Variants in VWA1 observed in about 807,000 individuals in gnomAD.
VWA1 encodes the protein von Willebrand factor A domain-containing protein 1.
A neutral mutation model predicts 14.9 loss-of-function variants in VWA1; 12 were observed. That is an observed-to-expected ratio of 0.80 (90% CI 0.52 to 1.30). VWA1 has a LOEUF of 1.30. Ranked by LOEUF, VWA1 falls within the 50% of genes most tolerant of loss-of-function variation. The pLI is 0.00. For synonymous variants in VWA1, 368 were observed against 310.7 expected (o/e 1.18, Z -1.94); for missense variants, 800 against 649.1 (o/e 1.23, Z -2.53).
In VWA1 at chr1:1,439,890, G is replaced by C; in HGVS notation, c.*103G>C. 2.0e-6 allele frequency: 2 copies of C among 1,024,378 alleles called. No homozygotes were observed. The highest frequency in any genetic ancestry group is 9.3e-5 in the South Asian group (2 of 21,612). The allele number at this position is 1,024,378 out of a possible 1,614,324, so 63.5% of individuals were successfully genotyped here. On this transcript the variant is annotated 3_prime_UTR_variant, in exon 3 of 3. Transcript: ENST00000476993. ...CAACCCGGCAGACGGGTGCAGGCCCGGCCTTTCCCCACGCGGACTCCGCGC... is the reference window on the plus strand; with the variant it reads ...CAACCCGGCAGACGGGTGCAGGCCCCGCCTTTCCCCACGCGGACTCCGCGC...
chr1:1,439,832 G>A lies in VWA1; in HGVS notation c.*45G>A. 9.4e-7 allele frequency: 1 copy of A among 1,058,454 alleles called. No individual in the cohort carries two copies. Among genetic ancestry groups the A allele is most frequent in the Non-Finnish European group, 1.1e-6 (1 of 876,120 alleles). 65.6% of individuals were successfully genotyped at this position (1,058,454 alleles called of 1,614,324 possible). A position where few individuals can be genotyped will look rare whatever the true frequency, so the allele number is the denominator to read the frequency against. The stretch of plus-strand genomic sequence containing the variant: ...CGAGAGGGCCGGCGCCTACCTGAGG[G>A]CCCCTGTGTCCCGAACCCGGAGCGG... On this transcript the variant is annotated 3_prime_UTR_variant, in exon 3 of 3. Transcript: ENST00000476993.
Position 1,439,400 on chromosome 1 carries a change from T to C in VWA1, c.951T>C (p.Ala317=), listed in dbSNP as rs2100455507. Residue 317 remains alanine (A), a synonymous_variant, in exon 3 of 3, where the codon GCT becomes GCC. Transcript: ENST00000476993. ...GGGCTTCGGGCCCGGAGTCGGGGGCTGGGCCGGCCCCCACGCAGCTCGCCG... is the reference window on the plus strand; with the variant it reads ...GGGCTTCGGGCCCGGAGTCGGGGGCCGGGCCGGCCCCCACGCAGCTCGCCG... The part of the protein sequence containing the change: ...GPGASGPESG[A]GPAPTQLAAL... 1 of 1,448,772 alleles carries C rather than the reference T, an allele frequency of 6.9e-7. No homozygotes were observed. The highest frequency in any genetic ancestry group is 1.5e-5 in the African/African-American group (1 of 66,900). The allele number at this position is 1,448,772 out of a possible 1,614,324, so 89.7% of individuals were successfully genotyped here. A position where few individuals can be genotyped will look rare whatever the true frequency, so the allele number is the denominator to read the frequency against.
chr1:1,437,106 G>T lies in VWA1; in HGVS notation c.253G>T (p.Glu85Ter). 6.2e-7 allele frequency: 1 copy of T among 1,605,376 alleles called. No homozygotes were observed. The highest frequency in any genetic ancestry group is 8.5e-7 in the Non-Finnish European group (1 of 1,174,640). Residue 85 changes from glutamate to a stop codon, truncating the protein, a stop_gained, in exon 2 of 3, where the codon GAG becomes TAG. Transcript: ENST00000476993. LOFTEE classifies it high-confidence loss of function. ...GCACGTGGGCAGTCGGCCATACACC[G>T]AGTTCCCCTTCGGCCAGCACAGCTC... The part of the protein sequence containing the change: ...LVHVGSRPYT[E>*]FPFGQHSSGE...
chr1:1,435,736 TC>T lies in VWA1; in HGVS notation c.-10del. ...CGAGCGAGTTGCCGAGCGCGCCCCG[TC>T]CCTCGCGCGCGATGCTCCCCTGGAC... On this transcript the variant is annotated 5_prime_UTR_variant, in exon 1 of 3. Transcript: ENST00000476993. 1 of 1,204,346 alleles carries T rather than the reference TC, an allele frequency of 8.3e-7. No homozygotes were observed. Among genetic ancestry groups the T allele is most frequent in the Non-Finnish European group, 1.0e-6 (1 of 964,024 alleles). The allele number at this position is 1,204,346 out of a possible 1,614,324, so 74.6% of individuals were successfully genotyped here.
At position 1,437,364 on chromosome 1, in the gene VWA1, G is replaced by T; in HGVS notation, c.511G>T (p.Gly171Cys). 2 of 1,612,768 alleles carry T rather than the reference G, an allele frequency of 1.2e-6. No homozygotes were observed. The highest frequency in any genetic ancestry group is 1.7e-6 in the Non-Finnish European group (2 of 1,179,978). Residue 171 changes from glycine to cysteine, a missense_variant, in exon 2 of 3, where the codon GGC (glycine) becomes TGC (cysteine). Gly to Cys is a radical substitution (Grantham distance 159, BLOSUM62 -3). Coordinates refer to ENST00000476993, the MANE Select transcript of VWA1 (RefSeq NM_022834.5). ...LGVTVFIVST[G>C]RGNFLELSAA... ...CGTCACCGTGTTCATTGTCAGCACCGGCCGAGGCAACTTCCTGGAGCTGTC... is the reference window on the plus strand; with the variant it reads ...CGTCACCGTGTTCATTGTCAGCACCTGCCGAGGCAACTTCCTGGAGCTGTC...
In VWA1 at chr1:1,442,625, G is replaced by C. The variant is rs893263110; in HGVS notation, c.*2838G>C. The C allele has an allele frequency of 6.6e-6, 1 of 152,314 alleles. No individual in the cohort carries two copies. Among genetic ancestry groups the C allele is most frequent in the Non-Finnish European group, 1.5e-5 (1 of 68,088 alleles). 9.4% of individuals were successfully genotyped at this position (152,314 alleles called of 1,614,324 possible). On this transcript the variant is annotated 3_prime_UTR_variant, in exon 3 of 3. Coordinates refer to ENST00000476993, the MANE Select transcript of VWA1 (RefSeq NM_022834.5). ...GCCCTTCGCTGGACAGCCCATTGCT[G>C]GCCACTGGACGGAGAGGCAGAGGGG... is the stretch of plus-strand genomic sequence containing the variant.
At position 1,435,811 on chromosome 1, in the gene VWA1, C is replaced by T; in HGVS notation, c.63C>T (p.Gly21=). ...TGCGGCTGGCGCTGGCGCGGAGCGG[C>T]GCGGAGCGCGGTGAGTGCGGCGGGC... ...LSLRLALARS[G]AERGPPASAP... The change falls in exon 1 of 3, where the codon GGC becomes GGT. Residue 21 remains glycine, a synonymous_variant. Coordinates refer to ENST00000476993, the MANE Select transcript of VWA1 (RefSeq NM_022834.5). The T allele has an allele frequency of 8.5e-7, 1 of 1,178,570 alleles. No homozygotes were observed. The allele number at this position is 1,178,570 out of a possible 1,614,324, so 73.0% of individuals were successfully genotyped here.
Position 1,439,506 on chromosome 1 carries a change from G to A in VWA1, c.1057G>A (p.Ala353Thr). 2 of 1,406,202 alleles carry A rather than the reference G, an allele frequency of 1.4e-6. No individual in the cohort carries two copies. Among genetic ancestry groups the A allele is most frequent in the Non-Finnish European group, 9.2e-7 (1 of 1,083,554 alleles). 87.1% of individuals were successfully genotyped at this position (1,406,202 alleles called of 1,614,324 possible). A position where few individuals can be genotyped will look rare whatever the true frequency, so the allele number is the denominator to read the frequency against. ...GCCGCGCAGCCTCCGCGTGAGTTGG[G>A]CCCCAGCGCTGGGCTCAGCCGCGGC... ...ARPRSLRVSW[A>T]PALGSAAALG... is the part of the protein sequence containing the mutation. Residue 353 changes from alanine (A) to threonine (T), a missense_variant, in exon 3 of 3, where the codon GCC becomes ACC. Coordinates refer to ENST00000476993, the MANE Select transcript of VWA1 (RefSeq NM_022834.5).
chr1:1,435,931 G>T, intron 1 of VWA1, 110 bp downstream of exon 1: 1 of 564,606 alleles, frequency 1.8e-6, no homozygotes, highest in South Asian at 1.2e-4. Context: ...GGGCGGGCTG[G>T]GAGGCTGCGG....
At position 1,439,177 on chromosome 1, in the gene VWA1, A is replaced by G. The variant is rs1553196567; in HGVS notation, c.728A>G (p.Tyr243Cys). ...PPLLTADSGY[Y>C]VLELVPSAQP... ...CTGCTGACCGCAGACTCGGGCTACT[A>G]TGTGCTGGAGCTGGTGCCCAGCGCC... Residue 243 changes from tyrosine to cysteine, a missense_variant, in exon 3 of 3, where the codon TAT becomes TGT. Transcript: ENST00000476993. 7 of 1,605,504 alleles carry G rather than the reference A, an allele frequency of 4.4e-6. No homozygotes were observed. In the South Asian group the frequency reaches 5.5e-5, roughly 13 times the overall value.
In VWA1 at chr1:1,440,094, G is replaced by C. The variant is rs1638636601; in HGVS notation, c.*307G>C. Reference sequence around the variant, plus strand: ...GTCAGACCCAGGACTGTTCAGGGAGGAGCCCCGGTCAGACTCCCACGTGTG... The same window carrying C: ...GTCAGACCCAGGACTGTTCAGGGAGCAGCCCCGGTCAGACTCCCACGTGTG... On this transcript the variant is annotated 3_prime_UTR_variant, in exon 3 of 3. Coordinates refer to ENST00000476993, the MANE Select transcript of VWA1 (RefSeq NM_022834.5). 5.6e-6 allele frequency: 1 copy of C among 178,950 alleles called. No individual in the cohort carries two copies. The highest frequency in any genetic ancestry group is 1.3e-5 in the Non-Finnish European group (1 of 78,298). 11.1% of individuals were successfully genotyped at this position (178,950 alleles called of 1,614,324 possible).
At chr1:1,438,303 G>C (rs1638588441) in intron 2 of VWA1, among the ~76,000 whole-genome samples, 1 of 152,184 alleles carries the variant, frequency 6.6e-6, no homozygotes, top group African/African-American at 2.4e-5. Context: ...AGCTGCGCCT[G>C]GAGGGGACCA....
intron 2 of VWA1, among the ~76,000 whole-genome samples, chr1:1,437,880 T>C (rs1638578696): frequency 2.0e-5 from 3 of 152,008 alleles, no homozygotes; most frequent in Admixed American, 6.5e-5. Flanking sequence ...GCCAGAAAGG[T>C]CAGGGACTGC....
chr1:1,437,436 G>A lies in VWA1; in HGVS notation c.583G>A (p.Val195Met), dbSNP rs778162084. 1.2e-5 allele frequency: 19 copies of A among 1,612,334 alleles called. No individual in the cohort carries two copies. Among genetic ancestry groups the A allele is most frequent in the South Asian group, 4.4e-5 (4 of 91,064 alleles). ...PAEKHLHFVD[V>M]DDLHIIVQEL... ...CGAGAAGCACCTGCACTTTGTGGACGTGGATGACCTGCACATCATTGTCCA... is the reference window on the plus strand; with the variant it reads ...CGAGAAGCACCTGCACTTTGTGGACATGGATGACCTGCACATCATTGTCCA... Residue 195 changes from valine (V) to methionine (M), a missense_variant, in exon 2 of 3, where the codon GTG (valine) becomes ATG (methionine). Physicochemically the swap from Val to Met is conservative, Grantham distance 21. Transcript: ENST00000476993.
chr1:1,436,689 C>T (rs1450776220), intron 1 of VWA1: 2 of 495,276 alleles, frequency 4.0e-6, no homozygotes, highest in East Asian at 3.4e-5. Flanking sequence ...GGAGAGTCGC[C>T]CTCTCACAGA....
Position 1,439,516 on chromosome 1 carries a change from T to G in VWA1, c.1067T>G (p.Leu356Arg). 1.4e-6 allele frequency: 2 copies of G among 1,388,276 alleles called. No individual in the cohort carries two copies. The highest frequency in any genetic ancestry group is 1.6e-5 in the African/African-American group (1 of 64,368). 86.0% of individuals were successfully genotyped at this position (1,388,276 alleles called of 1,614,324 possible). Residue 356 changes from leucine (L) to arginine (R), a missense_variant, in exon 3 of 3, where the codon CTG becomes CGG. Coordinates refer to ENST00000476993, the MANE Select transcript of VWA1 (RefSeq NM_022834.5). ...RSLRVSWAPA[L>R]GSAAALGYHV... ...CTCCGCGTGAGTTGGGCCCCAGCGC[T>G]GGGCTCAGCCGCGGCGCTCGGCTAC...
Position 1,435,733 on chromosome 1 carries a change from C to G in VWA1, c.-16C>G. 8.3e-7 allele frequency: 1 copy of G among 1,203,412 alleles called. No individual in the cohort carries two copies. Among genetic ancestry groups the G allele is most frequent in the African/African-American group, 1.6e-5 (1 of 61,372 alleles). The allele number at this position is 1,203,412 out of a possible 1,614,324, so 74.5% of individuals were successfully genotyped here. A position where few individuals can be genotyped will look rare whatever the true frequency, so the allele number is the denominator to read the frequency against. ...GAGCGAGCGAGTTGCCGAGCGCGCC[C>G]CGTCCCTCGCGCGCGATGCTCCCCT... On this transcript the variant is annotated 5_prime_UTR_variant, in exon 1 of 3. Coordinates refer to ENST00000476993, the MANE Select transcript of VWA1 (RefSeq NM_022834.5).
rs1038325910 is a variant in VWA1 at position 1,437,587 on chromosome 1, C to T, written c.631+103C>T. ...GATCTCATGTCCCCAGAGCAGCGGC[C>T]AGGGCCTCCGGGGCTGTGGTACCCC... is the stretch of plus-strand genomic sequence containing the variant. On this transcript the variant is annotated intron_variant, in intron 2 of 2. Transcript: ENST00000476993. 3.3e-5 allele frequency: 47 copies of T among 1,425,696 alleles called. No individual in the cohort carries two copies. In the African/African-American group the frequency reaches 6.3e-4, roughly 19 times the overall value. The allele number at this position is 1,425,696 out of a possible 1,614,324, so 88.3% of individuals were successfully genotyped here.
In VWA1 at chr1:1,437,080, T is replaced by C. The variant is rs572600159; in HGVS notation, c.227T>C (p.Val76Ala). 13 of 1,608,288 alleles carry C rather than the reference T, an allele frequency of 8.1e-6. No individual in the cohort carries two copies. In the South Asian group the frequency reaches 1.4e-4, roughly 18 times the overall value. ...LGTGALRASL[V>A]HVGSRPYTEF... ...ACCGGGGCCCTGCGTGCCAGTCTGG[T>C]GCACGTGGGCAGTCGGCCATACACC... The change falls in exon 2 of 3, where the codon GTG becomes GCG. Residue 76 changes from valine to alanine, a missense_variant. By Grantham distance (64) the Val-to-Ala change is moderately conservative (BLOSUM62 0). Coordinates refer to ENST00000476993, the MANE Select transcript of VWA1 (RefSeq NM_022834.5).
Sources: allele counts gnomAD v4.1 joint callset (sites outside exome capture counted in the v4.1 genomes callset), GRCh38; gene constraint gnomAD v4.1.1; transcripts MANE v1.5; gene names NCBI Gene and HGNC (gene_info 2026-07-23, HGNC 2026-07-21).